The following TRHDE variants were observed in gnomAD, a reference collection of about 807,000 sequenced individuals.
TRHDE encodes thyrotropin-releasing hormone-degrading ectoenzyme.
TRHDE carries 72 observed loss-of-function variants against 125.7 expected under a neutral mutation model. The observed-to-expected ratio is 0.57, with a 90% confidence interval of 0.47 to 0.70. The LOEUF is 0.70. TRHDE is among the 30% of genes least tolerant of loss of function. The probability of loss-of-function intolerance (pLI) is 0.00; values close to 1 mark genes in which losing one functional copy is unlikely to be tolerated. For synonymous variants in TRHDE, 509 were observed against 509.1 expected (o/e 1.00, Z 0.00); for missense variants, 1,110 against 1,327.1 (o/e 0.84, Z 2.54).
chr12:72,294,997 G>A (rs949754923), intron 2 of TRHDE, among the ~76,000 whole-genome samples: 1 of 151,988 alleles, frequency 6.6e-6, no homozygotes, highest in African/African-American at 2.4e-5. Context: ...CAGGCAGTGG[G>A]AGCAGGCATT....
At chr12:72,539,363 C>T (rs1033723254) in intron 6 of TRHDE, among the ~76,000 whole-genome samples, 1 of 151,842 alleles carries the variant, frequency 6.6e-6, no homozygotes, top group African/African-American at 2.4e-5. Flanking sequence ...TCTCCCTCTC[C>T]AAAAGTGAGG....
intron 7 of TRHDE, chr12:72,560,786 A>G (rs1870139589): frequency 6.6e-6 from 1 of 152,230 alleles, no homozygotes; most frequent in African/African-American, 2.4e-5. Context: ...TGATCATACT[A>G]CTACACTCCA....
At chr12:72,496,197 T>C (rs1224466476) in intron 5 of TRHDE, among the ~76,000 whole-genome samples, 1 of 152,168 alleles carries the variant, frequency 6.6e-6, no homozygotes, top group Non-Finnish European at 1.5e-5. Context: ...CACACCAAAC[T>C]TTAAATTTCC....
intron 2 of TRHDE, among the ~76,000 whole-genome samples, chr12:72,359,532 A>AT (rs775147752): frequency 1.3e-4 from 20 of 151,696 alleles, no homozygotes; most frequent in Non-Finnish European, 1.5e-4. Context: ...TAGAAATAGG[A>AT]TTTTTCAAAT....
chr12:72,124,005 T>A (rs1052636313), intron 2 of TRHDE, among the ~76,000 whole-genome samples: 1 of 152,194 alleles, frequency 6.6e-6, no homozygotes, highest in African/African-American at 2.4e-5. Context: ...TTTGTTCCTT[T>A]TTATCACTGA....
chr12:72,440,611 T>C (rs1226806900), intron 3 of TRHDE, among the ~76,000 whole-genome samples: 2 of 151,956 alleles, frequency 1.3e-5, no homozygotes, highest in African/African-American at 2.4e-5. Flanking sequence ...CTATGATATA[T>C]ATCCATATCA....
chr12:72,498,932 T>G (rs1171669387), intron 5 of TRHDE, among the ~76,000 whole-genome samples: 1 of 151,336 alleles, frequency 6.6e-6, no homozygotes, highest in Non-Finnish European at 1.5e-5. Context: ...TATTACTAGT[T>G]GTGGTCTCTT....
chr12:72,331,283 C>T (rs1348787974), intron 2 of TRHDE, among the ~76,000 whole-genome samples: 2 of 152,154 alleles, frequency 1.3e-5, no homozygotes, highest in Non-Finnish European at 2.9e-5. Flanking sequence ...ACCACTATCC[C>T]ATAGCACTTA....
At chr12:72,254,596 A>G (rs1472537606) in intron 2 of TRHDE, 1 of 152,158 alleles carries the variant, frequency 6.6e-6, no homozygotes, top group Non-Finnish European at 1.5e-5. Context: ...ATCTTCACTC[A>G]GCTGATTTTT....
At chr12:72,276,447 A>G (rs375294969) in intron 1 of TRHDE, among the ~76,000 whole-genome samples, 26 of 152,230 alleles carry the variant, frequency 1.7e-4, no homozygotes, top group African/African-American at 6.3e-4. Flanking sequence ...ATGTGGAAAC[A>G]CTAACTCATT....
At chr12:72,206,462 A>G (rs1171366998) in intron 2 of TRHDE, among the ~76,000 whole-genome samples, 1 of 152,200 alleles carries the variant, frequency 6.6e-6, no homozygotes, top group African/African-American at 2.4e-5. Context: ...TTCACTAATC[A>G]TAGAGTAGAA....
chr12:72,238,364 CACAT>C (rs1266828905), intron 2 of TRHDE, among the ~76,000 whole-genome samples: 3 of 57,366 alleles, frequency 5.2e-5, no homozygotes, highest in Non-Finnish European at 7.2e-5. Flanking sequence ...TATATATATA[CACAT>C]ACATATATAT....
intron 2 of TRHDE, among the ~76,000 whole-genome samples, chr12:72,231,431 G>C (rs1878243606): frequency 6.6e-6 from 1 of 152,146 alleles, no homozygotes; most frequent in Admixed American, 6.6e-5. Context: ...TATTAAGCTT[G>C]ATAAGAGTTC....
chr12:72,479,766 C>A (rs1171593497), intron 5 of TRHDE, among the ~76,000 whole-genome samples: 6 of 150,028 alleles, frequency 4.0e-5, no homozygotes, highest in Non-Finnish European at 8.9e-5. Flanking sequence ...CACCCATTAA[C>A]TCGTCATTTA....
Position 72,273,413 on chromosome 12 carries a change from C to T in TRHDE, c.770C>T (p.Pro257Leu), listed in dbSNP as rs1197780468. Residue 257 changes from proline to leucine, a missense_variant, in exon 1 of 19, where the codon CCG becomes CTG. Pro to Leu is a moderately conservative substitution (Grantham distance 98). Around this residue, in one of 5 missense-constraint regions of TRHDE, gnomAD observed 72 missense variants for 122.2 expected, o/e 0.59. Coordinates refer to ENST00000261180, the MANE Select transcript of TRHDE (RefSeq NM_013381.3). This position sits in a 1 kb window ranked among gnomAD's most constrained non-coding sequence, Gnocchi z 5.3. ...AVPVAGFFLYPQTQVLVVVLN... is the reference protein window; with the variant it reads ...AVPVAGFFLYLQTQVLVVVLN... Reference sequence around the variant, plus strand: ...CCTGTAGCCGGTTTTTTCCTCTACCCGCAAACCCAGGTCTTAGTGGTGGTG... The same window carrying T: ...CCTGTAGCCGGTTTTTTCCTCTACCTGCAAACCCAGGTCTTAGTGGTGGTG... 2 of 1,614,050 alleles carry T rather than the reference C, an allele frequency of 1.2e-6. No homozygotes were observed. Among genetic ancestry groups the T allele is most frequent in the African/African-American group, 1.3e-5 (1 of 74,936 alleles).
chr12:72,183,680 T>TGCAGAGTTTGGAGTCTAGTCTAAGTTTTA (rs1877143340), intron 2 of TRHDE, among the ~76,000 whole-genome samples: 1 of 152,220 alleles, frequency 6.6e-6, no homozygotes, highest in East Asian at 1.9e-4. Context: ...GGCTTCTTCA[T>TGCAGAGTTTGGAGTCTAGTCTAAGTTTTA]GCAGAGTTTG....
chr12:72,620,338 C>CAAAAA (rs3080963), intron 13 of TRHDE, among the ~76,000 whole-genome samples: 14 of 67,384 alleles, frequency 2.1e-4, no homozygotes, highest in Non-Finnish European at 3.8e-4. Context: ...CCCATCTCTA[C>CAAAAA]AAAAAAAAAA....
At chr12:72,424,182 C>T (rs1340671155) in intron 3 of TRHDE, among the ~76,000 whole-genome samples, 1 of 152,108 alleles carries the variant, frequency 6.6e-6, no homozygotes, top group East Asian at 1.9e-4. Context: ...GTGGGATCTT[C>T]CCTTGCCTCT....
intron 6 of TRHDE, among the ~76,000 whole-genome samples, chr12:72,541,062 T>TG (rs1185408015): frequency 1.3e-5 from 2 of 151,580 alleles, no homozygotes; most frequent in Non-Finnish European, 3.0e-5. Context: ...GTTGCTGGAC[T>TG]GGACAGCAGT....
Sources: gnomAD v4.1 joint callset for allele counts (sites outside exome capture counted in the v4.1 genomes callset) on GRCh38, gnomAD v4.1.1 for gene constraint, gnomAD v4.1.1 regional missense constraint, Gnocchi (gnomAD v3.1) non-coding constraint, MANE v1.5 for transcripts, NCBI Gene and HGNC (gene_info 2026-07-23, HGNC 2026-07-21) for gene names.